KLK3: variants seen among roughly 807,000 people sequenced by gnomAD.
The protein encoded by KLK3 is prostate-specific antigen.
A neutral mutation model predicts 27.7 loss-of-function variants in KLK3; 23 were observed. The observed-to-expected ratio is 0.83, with a 90% CI of 0.60 to 1.17. KLK3 has a LOEUF of 1.17. KLK3 is among the 50% of genes most tolerant of loss of function. The pLI is 0.00. For missense variants in KLK3, 322 were observed against 338.1 expected (o/e 0.95, Z 0.37); for synonymous variants, 142 against 134.2 (o/e 1.06, Z -0.40).
intron 4 of KLK3, chr19:50,859,502 C>T (rs370724617): frequency 4.1e-5 from 65 of 1,583,674 alleles, no homozygotes; most frequent in Non-Finnish European, 5.3e-5. Flanking sequence ...AGTCTCTCCC[C>T]TCCACTCCAT....
intron 2 of KLK3, chr19:50,856,643 G>A: frequency 2.1e-6 from 1 of 482,652 alleles, no homozygotes; most frequent in South Asian, 3.2e-5. Context: ...TTGGTAACTG[G>A]CTTCGGTTGT....
At chr19:50,855,510 C>T (rs2090141494) in intron 1 of KLK3, 1 of 157,914 alleles carries the variant, frequency 6.3e-6, no homozygotes, top group South Asian at 1.9e-4. Flanking sequence ...CAGACACCTC[C>T]TTCTTCCTAG....
At chr19:50,855,300 CT>C (rs1265457587) in intron 1 of KLK3, 1 of 484,772 alleles carries the variant, frequency 2.1e-6, no homozygotes, top group South Asian at 2.6e-5. Flanking sequence ...CTCCGTGTTT[CT>C]CTTTGTGGGG....
intron 3 of KLK3, 47 bp from the exon 4 acceptor site, chr19:50,858,412 A>G (rs2090162905): frequency 1.2e-6 from 2 of 1,612,166 alleles, no homozygotes; most frequent in Admixed American, 1.7e-5. Flanking sequence ...AGGGCCAAGG[A>G]ACCAGGTGGG....
chr19:50,859,151 G>A (rs1000494085), intron 4 of KLK3, among the ~76,000 whole-genome samples: 7 of 152,100 alleles, frequency 4.6e-5, no homozygotes, highest in Non-Finnish European at 8.8e-5. Flanking sequence ...GGGCCTAGAG[G>A]GCGTCAGGAG....
chr19:50,854,931 C>T lies in KLK3; in HGVS notation c.-25C>T, dbSNP rs370025467. The T allele has an allele frequency of 1.2e-6, 2 of 1,613,532 alleles. No homozygotes were observed. The highest frequency in any genetic ancestry group is 1.7e-6 in the Non-Finnish European group (2 of 1,179,780). On this transcript the variant is annotated 5_prime_UTR_variant, in exon 1 of 5. Transcript: ENST00000326003. ...AGGCTCCCCAGCCCCAAGCTTACCA[C>T]CTGCACCCGGAGAGCTGTGTCACCA...
Position 50,859,328 on chromosome 19 carries a change from CAGG to C in KLK3, c.631-643_631-641del, listed in dbSNP as rs2090169566. ...GACAGAAGCAGGACAGGGCCTGGCT[CAGG>C]TGTCCAGAGGCTGCCGCTGGCCTCC... On this transcript the variant is annotated intron_variant, in intron 4 of 4. Transcript: ENST00000326003. Among the ~76,000 whole-genome samples, 10 of 59,394 alleles carry C rather than the reference CAGG, an allele frequency of 1.7e-4. 1 individual carries two copies. The South Asian group carries it at 5.4e-3, about 32-fold the overall frequency. 39.0% of individuals were successfully genotyped at this position (59,394 alleles called of 152,430 possible).
At chr19:50,858,419 T>C in intron 3 of KLK3, 40 bp from the exon 4 acceptor site, 1 of 1,612,894 alleles carries the variant, frequency 6.2e-7, no homozygotes, top group Non-Finnish European at 8.5e-7. Context: ...AGGAACCAGG[T>C]GGGGTCCAGC....
Position 50,858,122 on chromosome 19 carries a change from C to T in KLK3, c.300C>T (p.Leu100=). The T allele has an allele frequency of 6.2e-7, 1 of 1,614,136 alleles. No homozygotes were observed. The highest frequency in any genetic ancestry group is 8.5e-7 in the Non-Finnish European group (1 of 1,180,000). The change falls in exon 3 of 5, where the codon CTC becomes CTT. Residue 100 remains leucine (L), a synonymous_variant. Transcript: ENST00000326003. ...TCAGCCACAGCTTCCCACACCCGCT[C>T]TACGATATGAGCCTCCTGAAGAATC... is the stretch of plus-strand genomic sequence containing the variant. The part of the protein sequence containing the change: ...FQVSHSFPHP[L]YDMSLLKNRF...
At chr19:50,856,542 G>A in intron 2 of KLK3, 143 bp downstream of exon 2, 1 of 1,038,446 alleles carries the variant, frequency 9.6e-7, no homozygotes, top group Non-Finnish European at 1.4e-6. Flanking sequence ...ACATGGGGAG[G>A]CAGGGTTGGG....
rs749232909 is a variant in KLK3, at chr19:50,858,679, G to T, written c.630+84G>T. 2.0e-6 allele frequency: 3 copies of T among 1,521,786 alleles called. No homozygotes were observed. In the East Asian group the frequency reaches 6.8e-5, roughly 34 times the overall value. 94.3% of individuals were successfully genotyped at this position (1,521,786 alleles called of 1,614,324 possible). On this transcript the variant is annotated intron_variant, in intron 4 of 4. Coordinates refer to ENST00000326003, the MANE Select transcript of KLK3 (RefSeq NM_001648.2). Reference sequence around the variant, plus strand: ...GGGCTGGGGTCTAGAAGCCAACAAGGCGTCTGCCTCCCCTGCTCCCCAGCT... The same window carrying T: ...GGGCTGGGGTCTAGAAGCCAACAAGTCGTCTGCCTCCCCTGCTCCCCAGCT...
chr19:50,855,038 G>A, intron 1 of KLK3, 37 bp downstream of exon 1: 3 of 1,608,008 alleles, frequency 1.9e-6, no homozygotes, highest in Middle Eastern at 1.7e-4. Context: ...GCAGGAGAGG[G>A]AGCCAGCCCT....
At chr19:50,859,582 A>G (rs759700116) in intron 4 of KLK3, 2 of 1,613,774 alleles carry the variant, frequency 1.2e-6, no homozygotes, top group South Asian at 1.1e-5. Flanking sequence ...ATGGTCCTCC[A>G]TGGCTCCCTA....
In KLK3 at chr19:50,860,387, G is replaced by A. The variant is rs1388055940; in HGVS notation, c.*260G>A. On this transcript the variant is annotated 3_prime_UTR_variant, in exon 5 of 5. Coordinates refer to ENST00000326003, the MANE Select transcript of KLK3 (RefSeq NM_001648.2). ...TCTGAGGACACAGATAGGATGGGGT[G>A]TCTGTGTTATTTGTGGGGTACAGAG... The A allele has an allele frequency of 2.7e-6, 1 of 369,166 alleles. No homozygotes were observed. Among genetic ancestry groups the A allele is most frequent in the Non-Finnish European group, 4.9e-6 (1 of 202,060 alleles). 22.9% of individuals were successfully genotyped at this position (369,166 alleles called of 1,614,324 possible). A position where few individuals can be genotyped will look rare whatever the true frequency, so the allele number is the denominator to read the frequency against.
At chr19:50,858,723 C>A in intron 4 of KLK3, 128 bp downstream of exon 4, 4 of 983,358 alleles carry the variant, frequency 4.1e-6, no homozygotes, top group East Asian at 2.5e-5. Flanking sequence ...GCCACCTCCC[C>A]GTGTCTCATC....
intron 2 of KLK3, 32 bp from the exon 3 acceptor site, chr19:50,857,997 G>A (rs763358778): frequency 1.3e-5 from 20 of 1,576,862 alleles, no homozygotes; most frequent in African/African-American, 1.2e-4. Flanking sequence ...TATCATCCTC[G>A]CTCCTCATTC....
chr19:50,859,651 G>C, intron 4 of KLK3: 1 of 1,607,976 alleles, frequency 6.2e-7, no homozygotes, highest in Non-Finnish European at 8.5e-7. Flanking sequence ...CCTCTGTGAG[G>C]AGCCACGGGG....
chr19:50,855,148 AC>A lies in KLK3; in HGVS notation c.46+152del, dbSNP rs544701745. On this transcript the variant is annotated intron_variant, in intron 1 of 4. Coordinates refer to ENST00000326003, the MANE Select transcript of KLK3 (RefSeq NM_001648.2). ...TCTCCCAGCCCCACTCCAAGCCCAT[AC>A]CCCCAGCCCCTCCATATTGCAACAG... is the stretch of plus-strand genomic sequence containing the variant. 89 of 714,326 alleles carry A rather than the reference AC, an allele frequency of 1.2e-4. No homozygotes were observed. The African/African-American group carries it at 1.4e-3, about 11-fold the overall frequency. 44.2% of individuals were successfully genotyped at this position (714,326 alleles called of 1,614,324 possible).
chr19:50,858,770 G>A (rs558270687), intron 4 of KLK3, 175 bp downstream of exon 4: 34 of 683,406 alleles, frequency 5.0e-5, no homozygotes, highest in African/African-American at 4.3e-4. Flanking sequence ...CTCCCTCAAG[G>A]CAATAGGTTA....
Sources: gnomAD v4.1 joint callset for allele counts (sites outside exome capture counted in the v4.1 genomes callset) on GRCh38, gnomAD v4.1.1 for gene constraint, MANE v1.5 for transcripts, NCBI Gene and HGNC (gene_info 2026-07-23, HGNC 2026-07-21) for gene names.